DCDC1: variants seen among roughly 807,000 people sequenced by gnomAD.
The protein encoded by DCDC1 is doublecortin domain containing 1, also known as doublecortin domain-containing protein 1.
A neutral mutation model predicts 178.3 loss-of-function variants in DCDC1; 200 were observed. That is an observed-to-expected ratio of 1.12 (90% CI 1.00 to 1.26). The LOEUF (loss-of-function observed/expected upper bound fraction) is 1.26. Among genes scored for constraint, DCDC1 ranks in the 50% most tolerant of loss-of-function variants. The pLI, the probability that DCDC1 is intolerant of heterozygous loss-of-function variation, is 0.00. For missense variants in DCDC1, 1,983 were observed against 1,749.2 expected (o/e 1.13, Z -2.38); for synonymous variants, 690 against 604.8 (o/e 1.14, Z -2.07).
chr11:31,275,682 T>G (rs1404465337), intron 7 of DCDC1, among the ~76,000 whole-genome samples: 1 of 152,154 alleles, frequency 6.6e-6, no homozygotes, highest in African/African-American at 2.4e-5. Context: ...TTTTGTATTT[T>G]TAGTAGAGAC....
At chr11:30,876,713 A>G (rs1342563497) in intron 38 of DCDC1, among the ~76,000 whole-genome samples, 1 of 152,148 alleles carries the variant, frequency 6.6e-6, no homozygotes, top group Non-Finnish European at 1.5e-5. Context: ...AAATTATGCC[A>G]TTTTCATAGC....
intron 20 of DCDC1, among the ~76,000 whole-genome samples, chr11:30,990,255 A>C (rs1950900806): frequency 6.6e-6 from 1 of 152,190 alleles, no homozygotes; most frequent in Non-Finnish European, 1.5e-5. Flanking sequence ...AGATACAAAA[A>C]CATTCTTCTT....
intron 20 of DCDC1, among the ~76,000 whole-genome samples, chr11:31,001,564 C>T (rs1267618886): frequency 6.6e-6 from 1 of 152,140 alleles, no homozygotes; most frequent in Non-Finnish European, 1.5e-5. Context: ...GAGCTCCACT[C>T]AACAAGCAGG....
At chr11:31,306,102 G>T in intron 5 of DCDC1, 130 bp downstream of exon 5, 1 of 915,948 alleles carries the variant, frequency 1.1e-6, no homozygotes. Context: ...TGAAATCTAC[G>T]TATATATAAG....
intron 20 of DCDC1, among the ~76,000 whole-genome samples, chr11:30,970,779 T>C (rs1031454891): frequency 1.3e-5 from 2 of 152,110 alleles, no homozygotes. Flanking sequence ...AACTCAACCT[T>C]TTCATCAGGG....
In DCDC1 at chr11:30,899,488, T is replaced by C. The variant is rs1254738334; in HGVS notation, c.4765+53A>G. On this transcript the variant is annotated intron_variant, in intron 34 of 38. Transcript: ENST00000684477. ...TGGTAGAAAATAACCATTAGCAATT[T>C]GGGGCTACATTTTGAATTAAATATG... 21 of 1,191,346 alleles carry C rather than the reference T, an allele frequency of 1.8e-5. No homozygotes were observed. The Admixed American group carries it at 2.7e-4, about 15-fold the overall frequency. The allele number at this position is 1,191,346 out of a possible 1,614,324, so 73.8% of individuals were successfully genotyped here.
chr11:31,236,521 GACAAGA>G (rs1179376341), intron 9 of DCDC1, among the ~76,000 whole-genome samples: 2 of 151,724 alleles, frequency 1.3e-5, no homozygotes, highest in Admixed American at 6.6e-5. Context: ...TCTCTATCAA[GACAAGA>G]ATGCAATTTT....
intron 2 of DCDC1, among the ~76,000 whole-genome samples, chr11:31,334,186 T>C (rs1950155139): frequency 6.6e-6 from 1 of 152,246 alleles, no homozygotes; most frequent in South Asian, 2.1e-4. Flanking sequence ...CTGAAGCTCA[T>C]GCATGCGTCA....
Position 30,915,531 on chromosome 11 carries a change from C to G in DCDC1, c.3633G>C (p.Trp1211Cys). ...ATTACCTGCTGTCTTCCTGGTGTAT[C>G]CAGCGCTGATGACTACCATCAGATT... Reference protein sequence around the residue: ...EKKSDGSHQRWIHQEDSRTFH... With the variant: ...EKKSDGSHQRCIHQEDSRTFH... The change falls in exon 27 of 39, where the codon TGG (tryptophan) becomes TGC (cysteine). Residue 1211 changes from tryptophan to cysteine, a missense_variant. Coordinates refer to ENST00000684477, the MANE Select transcript of DCDC1 (RefSeq NM_001387274.1). 6.2e-7 allele frequency: 1 copy of G among 1,613,842 alleles called. No individual in the cohort carries two copies. The highest frequency in any genetic ancestry group is 8.5e-7 in the Non-Finnish European group (1 of 1,179,830).
rs1295737458 is a variant in DCDC1, at chr11:31,165,541, C to A, written c.1222-27757G>T. ...ACTCAGGCTGATCTTGAACTCCTAG[C>A]CTCAAGCGACCCTCCCACCTTGGTC... On this transcript the variant is annotated intron_variant, in intron 9 of 38. Transcript: ENST00000684477. Among the ~76,000 whole-genome samples the A allele has an allele frequency of 1.3e-4, 20 of 152,146 alleles. 1 individual carries two copies. Among genetic ancestry groups the A allele is most frequent in the African/African-American group, 4.1e-4 (17 of 41,440 alleles).
chr11:31,068,337 C>T (rs1429657979), intron 18 of DCDC1, among the ~76,000 whole-genome samples: 2 of 152,112 alleles, frequency 1.3e-5, no homozygotes, highest in Admixed American at 6.6e-5. Context: ...TATCTATCAC[C>T]ATGAGCATTA....
At position 31,199,751 on chromosome 11, in the gene DCDC1, T is replaced by A. The variant is rs183285022; in HGVS notation, c.1221+41699A>T. 2.6e-3 allele frequency among the ~76,000 whole-genome samples: 399 copies of A among 152,232 alleles called. 2 individuals are homozygous for A. The highest frequency in any genetic ancestry group is 8.7e-3 in the African/African-American group (360 of 41,570). ...TGATGAAAAGGTATCAGAATTCACA[T>A]ACTTTGTGTCTGATACCAACACTAC... On this transcript the variant is annotated intron_variant, in intron 9 of 38. Coordinates refer to ENST00000684477, the MANE Select transcript of DCDC1 (RefSeq NM_001387274.1).
chr11:30,979,108 T>C (rs572743714), intron 20 of DCDC1, among the ~76,000 whole-genome samples: 3 of 151,708 alleles, frequency 2.0e-5, no homozygotes, highest in Admixed American at 1.3e-4. Flanking sequence ...TATAAGAAAT[T>C]TGGAGAGGGA....
intron 18 of DCDC1, among the ~76,000 whole-genome samples, chr11:31,071,935 A>C (rs1956591660): frequency 6.6e-6 from 1 of 152,224 alleles, no homozygotes; most frequent in Non-Finnish European, 1.5e-5. Context: ...AGTAACTTTG[A>C]GTTAGAACTA....
chr11:31,174,587 TG>T (rs1967741471), intron 9 of DCDC1, among the ~76,000 whole-genome samples: 1 of 152,154 alleles, frequency 6.6e-6, no homozygotes, highest in Non-Finnish European at 1.5e-5. Flanking sequence ...ACCTGAAGCC[TG>T]GGGGCAAGGG....
At chr11:31,139,188 T>C (rs1371676256) in intron 9 of DCDC1, among the ~76,000 whole-genome samples, 2 of 152,200 alleles carry the variant, frequency 1.3e-5, no homozygotes, top group Admixed American at 6.5e-5. Flanking sequence ...TATATGTATA[T>C]GAGCATGACT....
chr11:31,348,557 C>T lies in DCDC1; in HGVS notation c.-124-12993G>A, dbSNP rs888137124. Reference sequence around the variant, plus strand: ...CTTATTTTCTGCCACTCAACATGCCCTCACCTATTTAATTGCCAGTTACCT... The same window carrying T: ...CTTATTTTCTGCCACTCAACATGCCTTCACCTATTTAATTGCCAGTTACCT... On this transcript the variant is annotated intron_variant, in intron 1 of 38. Transcript: ENST00000684477. Among the ~76,000 whole-genome samples, 7 of 152,270 alleles carry T rather than the reference C, an allele frequency of 4.6e-5. No individual in the cohort carries two copies. The East Asian group carries it at 1.4e-3, about 29-fold the overall frequency.
intron 21 of DCDC1, 86 bp downstream of exon 21, chr11:30,952,359 C>T (rs1424347917): frequency 1.6e-6 from 2 of 1,256,820 alleles, no homozygotes; most frequent in East Asian, 5.0e-5. Flanking sequence ...AATTCAAAAG[C>T]TATATGGAAG....
chr11:30,904,535 AATAAAAC>A (rs1944925187), intron 31 of DCDC1: 1 of 175,286 alleles, frequency 5.7e-6, no homozygotes, highest in Non-Finnish European at 1.2e-5. Flanking sequence ...TTGAAAATAA[AATAAAAC>A]ATCCTATCAA....
Sources: allele counts gnomAD v4.1 joint callset (sites outside exome capture counted in the v4.1 genomes callset), GRCh38; gene constraint gnomAD v4.1.1; transcripts MANE v1.5; gene names NCBI Gene and HGNC (gene_info 2026-07-23, HGNC 2026-07-21).